Variants in PAM observed in about 807,000 individuals in gnomAD.
The protein encoded by PAM is peptidyl-glycine alpha-amidating monooxygenase.
A neutral mutation model predicts 122.1 loss-of-function variants in PAM; 72 were observed. The observed-to-expected ratio is 0.59, with a 90% confidence interval of 0.49 to 0.72. The LOEUF is 0.72. PAM is among the 30% of genes least tolerant of loss of function. The pLI, the probability that PAM is intolerant of heterozygous loss-of-function variation, is 0.00. For synonymous variants in PAM, 389 were observed against 404.4 expected, an observed-to-expected ratio of 0.96 and a Z score of 0.46; for missense variants, 1,106 against 1,183.7, an observed-to-expected ratio of 0.93 and a Z score of 0.96.
intron 14 of PAM, among the ~76,000 whole-genome samples, chr5:102,970,516 G>A (rs907971886): frequency 2.6e-5 from 4 of 152,180 alleles, no homozygotes; most frequent in African/African-American, 9.6e-5. Context: ...AGCCCTAAGT[G>A]AGTGTATGTA....
chr5:103,007,506 C>T lies in PAM; in HGVS notation c.2064C>T (p.Ser688=), dbSNP rs965639294. The change falls in exon 20 of 26, where the codon AGC becomes AGT. Residue 688 remains serine, a synonymous_variant. Transcript: ENST00000438793. ...CAGGCCAGTTCACTGTTCCTCACAG[C>T]TTGGCTCTTGTGCCTCTTTTGGGCC... ...PLPGQFTVPH[S]LALVPLLGQL... 13 of 1,613,974 alleles carry T rather than the reference C, an allele frequency of 8.1e-6. No individual in the cohort carries two copies. The highest frequency in any genetic ancestry group is 1.3e-5 in the African/African-American group (1 of 74,920).
At chr5:102,796,618 A>G (rs1052126780) in intron 1 of PAM, among the ~76,000 whole-genome samples, 1 of 152,174 alleles carries the variant, frequency 6.6e-6, no homozygotes, top group African/African-American at 2.4e-5. Flanking sequence ...ATTTCTTTCA[A>G]TTCAGTCCTT....
intron 1 of PAM, among the ~76,000 whole-genome samples, chr5:102,761,874 C>T (rs1752454651): frequency 6.6e-6 from 1 of 152,098 alleles, no homozygotes; most frequent in Admixed American, 6.5e-5. Flanking sequence ...TATATGTATA[C>T]CTGTTATTTA....
downstream of PAM, chr5:103,030,443 A>G (rs1359538746): frequency 6.6e-6 from 1 of 152,240 alleles, no homozygotes; most frequent in East Asian, 1.9e-4. Flanking sequence ...TTTTTCCGGC[A>G]TCATAGTAGT....
intron 1 of PAM, among the ~76,000 whole-genome samples, chr5:102,789,531 G>A (rs1052556374): frequency 2.6e-5 from 4 of 152,050 alleles, no homozygotes; most frequent in African/African-American, 4.8e-5. Context: ...TGAAATAAGC[G>A]AGACACAAAA....
chr5:102,837,297 G>A (rs552952478), intron 1 of PAM, among the ~76,000 whole-genome samples: 1 of 152,174 alleles, frequency 6.6e-6, no homozygotes, highest in South Asian at 2.1e-4. Context: ...TTCTCACATT[G>A]CCTTGCAATA....
chr5:102,868,651 T>C (rs1174881906), intron 3 of PAM, among the ~76,000 whole-genome samples: 2 of 152,158 alleles, frequency 1.3e-5, no homozygotes, highest in African/African-American at 4.8e-5. Context: ...AAACTGGGTT[T>C]CCCCCCTGTA....
chr5:102,883,904 T>C (rs1792137060), intron 3 of PAM, among the ~76,000 whole-genome samples: 1 of 151,934 alleles, frequency 6.6e-6, no homozygotes. Context: ...CCAATTATGC[T>C]GAGGGTTTTA....
At chr5:102,881,521 A>G (rs1205504718) in intron 3 of PAM, among the ~76,000 whole-genome samples, 1 of 152,048 alleles carries the variant, frequency 6.6e-6, no homozygotes, top group Non-Finnish European at 1.5e-5. Context: ...GTTATCTTCT[A>G]AAGTAAAACT....
At chr5:102,852,620 A>T (rs903734760) in intron 1 of PAM, among the ~76,000 whole-genome samples, 1 of 152,158 alleles carries the variant, frequency 6.6e-6, no homozygotes, top group Admixed American at 6.5e-5. Context: ...TTAAAGAGGG[A>T]TGTAATTTTA....
chr5:102,763,381 A>G (rs1752967649), intron 1 of PAM, among the ~76,000 whole-genome samples: 1 of 152,176 alleles, frequency 6.6e-6, no homozygotes, highest in African/African-American at 2.4e-5. Flanking sequence ...CCATGTACCT[A>G]GCACTGTTCT....
Position 103,006,823 on chromosome 5 carries a change from A to G in PAM, c.1826A>G (p.Asn609Ser). 1 of 1,613,390 alleles carries G rather than the reference A, an allele frequency of 6.2e-7. No homozygotes were observed. The highest frequency in any genetic ancestry group is 1.1e-5 in the South Asian group (1 of 90,986). ...AAGGTGTTCAAACTGGATCCAAACA[A>G]TAAAGAAGGCCCTGTATTAATCCTG... ...LHQVFKLDPN[N>S]KEGPVLILGR... Residue 609 changes from asparagine to serine, a missense_variant, in exon 19 of 26, where the codon AAT becomes AGT. Coordinates refer to ENST00000438793, the MANE Select transcript of PAM (RefSeq NM_001177306.2).
intron 3 of PAM, among the ~76,000 whole-genome samples, chr5:102,869,923 T>C (rs1786829471): frequency 6.6e-6 from 1 of 150,776 alleles, no homozygotes; most frequent in South Asian, 2.1e-4. Flanking sequence ...TAAGAAGAGT[T>C]GACCGAAAAA....
intron 1 of PAM, chr5:102,755,577 C>T (rs1749933696): frequency 6.6e-6 from 1 of 152,262 alleles, no homozygotes; most frequent in African/African-American, 2.4e-5. Context: ...TCTCGCATTT[C>T]CCAAACCTCT....
chr5:102,928,289 T>A lies in PAM; in HGVS notation c.526+1621T>A, dbSNP rs538751185. ...AAAACACATGATATATGCTTGTTTT[T>A]AAAAATATGTTACTGTAATAATTTC... is the stretch of plus-strand genomic sequence containing the variant. On this transcript the variant is annotated intron_variant, in intron 7 of 25. Transcript: ENST00000438793. Among the ~76,000 whole-genome samples the A allele has an allele frequency of 2.0e-5, 3 of 152,358 alleles. No homozygotes were observed. In the South Asian group the frequency reaches 6.2e-4, roughly 32 times the overall value.
intron 4 of PAM, among the ~76,000 whole-genome samples, chr5:102,908,912 A>T (rs977613728): frequency 1.3e-5 from 2 of 151,634 alleles, no homozygotes; most frequent in African/African-American, 4.8e-5. Flanking sequence ...TGAGCTTTAC[A>T]TTTCTCTGTA....
intron 1 of PAM, among the ~76,000 whole-genome samples, chr5:102,809,341 C>G (rs1165536456): frequency 2.9e-5 from 4 of 138,008 alleles, no homozygotes; most frequent in Non-Finnish European, 6.1e-5. Context: ...GCAAGCAAGA[C>G]CTGTCTCTAC....
intron 14 of PAM, among the ~76,000 whole-genome samples, chr5:102,968,212 G>GC (rs1562071359): frequency 1.3e-5 from 2 of 152,114 alleles, no homozygotes; most frequent in Non-Finnish European, 2.9e-5. Context: ...AAACAATTAA[G>GC]TTTTTTATAG....
chr5:102,881,256 T>C (rs1292072346), intron 3 of PAM, among the ~76,000 whole-genome samples: 3 of 151,770 alleles, frequency 2.0e-5, no homozygotes, highest in Non-Finnish European at 4.4e-5. Context: ...AGAGTTCCTA[T>C]AGATTTTGAA....
Sources: allele counts gnomAD v4.1 joint callset (sites outside exome capture counted in the v4.1 genomes callset), GRCh38; gene constraint gnomAD v4.1.1; transcripts MANE v1.5; gene names NCBI Gene and HGNC (gene_info 2026-07-23, HGNC 2026-07-21).